Variants in USH2A observed in about 807,000 individuals in gnomAD.
USH2A encodes usherin.
A neutral mutation model predicts 538.9 loss-of-function variants in USH2A; 443 were observed. The observed-to-expected ratio is 0.82, with a 90% CI of 0.76 to 0.89. USH2A has a LOEUF of 0.89. USH2A is among the 40% of genes least tolerant of loss of function. The probability of loss-of-function intolerance (pLI) is 0.00; values close to 1 mark genes in which losing one functional copy is unlikely to be tolerated. For synonymous variants in USH2A, 2,413 were observed against 2,273.5 expected, an observed-to-expected ratio of 1.06 and a Z score of -1.75; for missense variants, 6,633 against 6,324.8, an observed-to-expected ratio of 1.05 and a Z score of -1.65.
At chr1:216,370,255 G>A (rs2038680844) in intron 3 of USH2A, among the ~76,000 whole-genome samples, 1 of 151,936 alleles carries the variant, frequency 6.6e-6, no homozygotes. Flanking sequence ...CAGCTACTTG[G>A]GAGGCTGAGG....
rs752044003 is a variant in USH2A, at chr1:215,671,179, T to A, written c.13926A>T (p.Val4642=). ...PLMQPPPHLE[V]QMAPGGFQPT... The stretch of plus-strand genomic sequence containing the variant: ...GCTGGAATCCTCCTGGAGCCATTTG[T>A]ACCTCCAGATGTGGAGGGGGTTGCA... The change falls in exon 64 of 72, where the codon GTA becomes GTT. Residue 4642 remains valine, a synonymous_variant. Coordinates refer to ENST00000307340, the MANE Select transcript of USH2A (RefSeq NM_206933.4). 6.2e-7 allele frequency: 1 copy of A among 1,614,138 alleles called. No individual in the cohort carries two copies. The highest frequency in any genetic ancestry group is 8.5e-7 in the Non-Finnish European group (1 of 1,180,014).
chr1:216,266,547 C>T (rs2036476589), intron 11 of USH2A, among the ~76,000 whole-genome samples: 3 of 152,004 alleles, frequency 2.0e-5, no homozygotes, highest in South Asian at 4.1e-4. Flanking sequence ...TATCAGGAAG[C>T]TATTGAGTAA....
chr1:216,172,693 T>C (rs1329641813), intron 21 of USH2A, among the ~76,000 whole-genome samples: 1 of 152,104 alleles, frequency 6.6e-6, no homozygotes, highest in African/African-American at 2.4e-5. Flanking sequence ...AAAAAAAACC[T>C]GATGCCTACA....
chr1:215,847,231 A>T (rs1663875233), intron 44 of USH2A, among the ~76,000 whole-genome samples: 2 of 152,212 alleles, frequency 1.3e-5, no homozygotes, highest in Non-Finnish European at 2.9e-5. Flanking sequence ...AGGAAGTATT[A>T]TGCTGCTCTA....
intron 37 of USH2A, among the ~76,000 whole-genome samples, chr1:215,951,155 A>G (rs544693078): frequency 6.6e-6 from 1 of 152,034 alleles, no homozygotes; most frequent in African/African-American, 2.4e-5. Context: ...TAGGGTGTCA[A>G]TTTTAGATCT....
chr1:215,806,373 CAGG>C (rs1375175379), intron 49 of USH2A, among the ~76,000 whole-genome samples: 2 of 152,004 alleles, frequency 1.3e-5, no homozygotes, highest in East Asian at 3.9e-4. Flanking sequence ...CTGTAACTCC[CAGG>C]AGAAGAATGC....
At chr1:215,925,303 T>C (rs1294391678) in intron 38 of USH2A, among the ~76,000 whole-genome samples, 2 of 152,172 alleles carry the variant, frequency 1.3e-5, no homozygotes, top group African/African-American at 4.8e-5. Flanking sequence ...GTATGTGTTT[T>C]TGAAAGCACA....
At chr1:216,363,938 A>G (rs2038543998) in intron 4 of USH2A, among the ~76,000 whole-genome samples, 1 of 151,730 alleles carries the variant, frequency 6.6e-6, no homozygotes, top group Non-Finnish European at 1.5e-5. Context: ...CTGTAGGAGT[A>G]TAAAAAAGTT....
At chr1:216,377,629 C>T (rs1367340543) in intron 3 of USH2A, among the ~76,000 whole-genome samples, 2 of 147,278 alleles carry the variant, frequency 1.4e-5, no homozygotes, top group East Asian at 4.0e-4. Context: ...CCAATTCTGA[C>T]ATGTTTCTTC....
rs550404752 is a variant in USH2A, at chr1:216,305,574, T to C, written c.1645-13204A>G. On this transcript the variant is annotated intron_variant, in intron 9 of 71. Transcript: ENST00000307340. ...CATGCTATTTGTTGCCTGAATGCTT[T>C]TTTTTAAATTGTGTTTTTTTTTTAT... is the stretch of plus-strand genomic sequence containing the variant. Among the ~76,000 whole-genome samples the C allele has an allele frequency of 1.3e-3, 203 of 151,504 alleles. 10 individuals are homozygous for C. The South Asian group carries it at 0.041, about 31-fold the overall frequency.
chr1:216,414,021 C>T (rs973524573), intron 3 of USH2A, among the ~76,000 whole-genome samples: 3 of 152,068 alleles, frequency 2.0e-5, no homozygotes, highest in East Asian at 1.9e-4. Context: ...CAATCCATAA[C>T]GAAATGCTAA....
chr1:215,728,472 T>A (rs950494519), intron 60 of USH2A, 88 bp from the exon 61 acceptor site: 2 of 1,319,804 alleles, frequency 1.5e-6, no homozygotes, highest in African/African-American at 2.9e-5. Context: ...TTTTTAGAAT[T>A]TGTTATCAAC....
At chr1:216,006,277 C>T (rs1668388979) in intron 32 of USH2A, among the ~76,000 whole-genome samples, 1 of 152,144 alleles carries the variant, frequency 6.6e-6, no homozygotes, top group African/African-American at 2.4e-5. Flanking sequence ...TGGTTACTTC[C>T]CACCTCTTCC....
intron 9 of USH2A, among the ~76,000 whole-genome samples, chr1:216,312,039 A>AT (rs1346886731): frequency 7.2e-5 from 11 of 151,864 alleles, no homozygotes; most frequent in African/African-American, 2.2e-4. Flanking sequence ...GACCTGTATC[A>AT]TTTTTTCTCT....
chr1:215,804,219 C>A (rs1197734741), intron 49 of USH2A, among the ~76,000 whole-genome samples: 1 of 152,000 alleles, frequency 6.6e-6, no homozygotes, highest in Admixed American at 6.6e-5. Flanking sequence ...AGGACATAGG[C>A]ATGGGCAAGG....
At chr1:216,145,490 A>T (rs184781108) in intron 21 of USH2A, among the ~76,000 whole-genome samples, 2 of 152,350 alleles carry the variant, frequency 1.3e-5, no homozygotes, top group East Asian at 3.9e-4. Context: ...AGATTAAAAA[A>T]AATCTTGTTG....
intron 56 of USH2A, among the ~76,000 whole-genome samples, chr1:215,762,161 C>T (rs1325511342): frequency 2.6e-5 from 4 of 152,154 alleles, no homozygotes; most frequent in Non-Finnish European, 4.4e-5. Flanking sequence ...AATCATAGTA[C>T]ACATTTGTAT....
At chr1:216,334,241 T>C (rs936808933) in intron 4 of USH2A, among the ~76,000 whole-genome samples, 1 of 151,948 alleles carries the variant, frequency 6.6e-6, no homozygotes, top group Non-Finnish European at 1.5e-5. Flanking sequence ...GGTGCAAAAT[T>C]TTGCATACTC....
chr1:215,990,954 A>T (rs1489717148), intron 35 of USH2A, among the ~76,000 whole-genome samples: 2 of 151,438 alleles, frequency 1.3e-5, no homozygotes, highest in Non-Finnish European at 2.9e-5. Context: ...GTAGAGACGG[A>T]GTTTCGCTGT....
Sources: gnomAD v4.1 joint callset for allele counts (sites outside exome capture counted in the v4.1 genomes callset) on GRCh38, gnomAD v4.1.1 for gene constraint, MANE v1.5 for transcripts, NCBI Gene and HGNC (gene_info 2026-07-23, HGNC 2026-07-21) for gene names.